CDH12: variants seen among roughly 807,000 people sequenced by gnomAD.
CDH12 encodes cadherin 12.
CDH12 carries 41 observed loss-of-function variants against 74.1 expected under a neutral mutation model. That is an observed-to-expected ratio of 0.55 (90% CI 0.43 to 0.72). The LOEUF is 0.72. CDH12 is among the 30% of genes least tolerant of loss of function. CDH12 has a pLI of 0.00. For synonymous variants in CDH12, 399 were observed against 355.0 expected (o/e 1.12, Z -1.39); for missense variants, 945 against 977.2 (o/e 0.97, Z 0.44).
chr5:21,837,115 A>C (rs1470653373), intron 8 of CDH12, among the ~76,000 whole-genome samples: 3 of 151,996 alleles, frequency 2.0e-5, no homozygotes, highest in Non-Finnish European at 2.9e-5. Context: ...CAAAAGTGAG[A>C]AAATGCTATA....
At chr5:21,989,155 T>A (rs1455112811) in intron 5 of CDH12, among the ~76,000 whole-genome samples, 3 of 152,198 alleles carry the variant, frequency 2.0e-5, no homozygotes, top group Non-Finnish European at 4.4e-5. Context: ...GACAAAAGTG[T>A]AGTCACAAGA....
At chr5:22,305,383 G>A (rs1738059428) in intron 3 of CDH12, among the ~76,000 whole-genome samples, 2 of 152,150 alleles carry the variant, frequency 1.3e-5, no homozygotes, top group African/African-American at 4.8e-5. Flanking sequence ...AAAAGCAGAT[G>A]CTAAGATAGT....
At chr5:22,684,307 C>T (rs1741648105) in intron 1 of CDH12, among the ~76,000 whole-genome samples, 1 of 152,138 alleles carries the variant, frequency 6.6e-6, no homozygotes, top group Non-Finnish European at 1.5e-5. Flanking sequence ...GAGTTACAAA[C>T]AATTCAATTA....
chr5:22,210,993 C>G (rs1751500787), intron 4 of CDH12, among the ~76,000 whole-genome samples: 1 of 152,178 alleles, frequency 6.6e-6, no homozygotes, highest in South Asian at 2.1e-4. Context: ...CAGGTTTTAG[C>G]TACAAACATA....
chr5:22,126,807 A>T (rs62349112), intron 4 of CDH12, among the ~76,000 whole-genome samples: 1,900 of 152,204 alleles, frequency 0.012, 12 homozygotes, highest in Non-Finnish European at 0.021. Flanking sequence ...AGGCCTTGCA[A>T]CCTCCAAGCG....
At chr5:22,309,368 C>T (rs559908009) in intron 3 of CDH12, among the ~76,000 whole-genome samples, 3 of 151,892 alleles carry the variant, frequency 2.0e-5, no homozygotes, top group Non-Finnish European at 4.4e-5. Flanking sequence ...GAAAAGAGAA[C>T]AAAACAGGTA....
intron 6 of CDH12, among the ~76,000 whole-genome samples, chr5:21,922,795 C>G (rs1373476673): frequency 6.6e-6 from 1 of 152,054 alleles, no homozygotes; most frequent in Non-Finnish European, 1.5e-5. Context: ...TTGGATTTCT[C>G]TATCAGGATA....
chr5:22,184,030 A>C (rs949581406), intron 4 of CDH12, among the ~76,000 whole-genome samples: 2 of 152,128 alleles, frequency 1.3e-5, no homozygotes, highest in Non-Finnish European at 2.9e-5. Flanking sequence ...TAAAAAAAAA[A>C]AAATTACAAA....
intron 1 of CDH12, among the ~76,000 whole-genome samples, chr5:22,761,328 T>A (rs1417028101): frequency 1.3e-5 from 2 of 152,192 alleles, no homozygotes; most frequent in Non-Finnish European, 2.9e-5. Flanking sequence ...TTCTTTTAAA[T>A]CTTTATGAAA....
intron 5 of CDH12, among the ~76,000 whole-genome samples, chr5:22,072,091 T>A (rs1741976909): frequency 6.6e-6 from 1 of 151,910 alleles, no homozygotes. Context: ...CTGCAGATGC[T>A]CTCCCTATCT....
intron 13 of CDH12, among the ~76,000 whole-genome samples, 170 bp downstream of exon 13, chr5:21,760,388 G>C (rs112912165): frequency 6.6e-5 from 10 of 152,212 alleles, no homozygotes; most frequent in Non-Finnish European, 4.4e-5. Context: ...TAGACAGTCT[G>C]TATAGATTAA....
chr5:22,432,915 A>C (rs1029231882), intron 2 of CDH12, among the ~76,000 whole-genome samples: 8 of 152,094 alleles, frequency 5.3e-5, no homozygotes, highest in Non-Finnish European at 1.2e-4. Flanking sequence ...GGCCAGAGTC[A>C]GTTGATTGAG....
chr5:22,081,123 T>C (rs1046197178), intron 4 of CDH12, among the ~76,000 whole-genome samples: 1 of 152,156 alleles, frequency 6.6e-6, no homozygotes, highest in African/African-American at 2.4e-5. Flanking sequence ...TAACATTTGA[T>C]ATGCAACTCA....
chr5:22,258,936 C>T (rs1753414598), intron 3 of CDH12, among the ~76,000 whole-genome samples: 1 of 152,118 alleles, frequency 6.6e-6, no homozygotes, highest in Non-Finnish European at 1.5e-5. Flanking sequence ...TTAAGTGATT[C>T]ATGATTGTAT....
intron 9 of CDH12, among the ~76,000 whole-genome samples, chr5:21,805,603 A>G (rs1747384831): frequency 6.6e-6 from 1 of 152,126 alleles, no homozygotes; most frequent in Non-Finnish European, 1.5e-5. Flanking sequence ...ACTTTTAGGC[A>G]ATCCCACTTG....
At chr5:22,762,089 TTAG>T (rs1746258559) in intron 1 of CDH12, among the ~76,000 whole-genome samples, 1 of 152,104 alleles carries the variant, frequency 6.6e-6, no homozygotes, top group African/African-American at 2.4e-5. Flanking sequence ...AAATACCTAG[TTAG>T]TAGTTAAACT....
intron 4 of CDH12, among the ~76,000 whole-genome samples, chr5:22,121,130 CTCTTT>C (rs1745491016): frequency 6.6e-6 from 1 of 152,102 alleles, no homozygotes; most frequent in African/African-American, 2.4e-5. Context: ...CAAGAAAGAG[CTCTTT>C]TCTACTTCTG....
chr5:21,904,227 CA>C (rs773804709), intron 6 of CDH12, among the ~76,000 whole-genome samples: 6 of 152,038 alleles, frequency 3.9e-5, no homozygotes, highest in Non-Finnish European at 5.9e-5. Context: ...CACAGGATCT[CA>C]AAAAGTTTAC....
At chr5:22,624,183 T>C (rs937013783) in intron 1 of CDH12, among the ~76,000 whole-genome samples, 1 of 152,156 alleles carries the variant, frequency 6.6e-6, no homozygotes, top group Non-Finnish European at 1.5e-5. Flanking sequence ...AAGACTTAAA[T>C]GTTAGACCTA....
Sources: gnomAD v4.1 joint callset for allele counts (sites outside exome capture counted in the v4.1 genomes callset) on GRCh38, gnomAD v4.1.1 for gene constraint, MANE v1.5 for transcripts, NCBI Gene and HGNC (gene_info 2026-07-23, HGNC 2026-07-21) for gene names.